Variants in GLI2 observed in about 807,000 individuals in gnomAD.
GLI2 encodes transcription activator GLI2.
GLI2 carries 22 observed loss-of-function variants against 78.9 expected under a neutral mutation model. The observed-to-expected ratio is 0.28, with a 90% CI of 0.20 to 0.40. GLI2 has a LOEUF of 0.40. Among genes scored for constraint, GLI2 ranks in the 10% least tolerant of loss-of-function variants. GLI2 has a pLI of 1.00. For synonymous variants in GLI2, 974 were observed against 963.7 expected, an observed-to-expected ratio of 1.01 and a Z score of -0.20; for missense variants, 2,097 against 2,213.2, an observed-to-expected ratio of 0.95 and a Z score of 1.05.
At position 120,780,508 on chromosome 2, in the gene GLI2, C is replaced by T. The variant is rs113810597; in HGVS notation, c.-30-16783C>T. The stretch of plus-strand genomic sequence containing the variant: ...GAACCTGTGGGAGTTTTTCCAGCAG[C>T]GTGGGGTGTGTCGTTTGCTCCCCTT... On this transcript the variant is annotated intron_variant, in intron 1 of 13. Transcript: ENST00000361492. Among the ~76,000 whole-genome samples, 2 of 152,286 alleles carry T rather than the reference C, an allele frequency of 1.3e-5. 1 individual carries two copies. The highest frequency in any genetic ancestry group is 4.8e-5 in the African/African-American group (2 of 41,572).
At chr2:120,841,888 T>TGTGTGTGTGTGTGTGTGTGTGAGA (rs768879101) in intron 2 of GLI2, among the ~76,000 whole-genome samples, 1 of 150,790 alleles carries the variant, frequency 6.6e-6, no homozygotes, top group Non-Finnish European at 1.5e-5. Context: ...TGTGTGTGTG[T>TGTGTGTGTGTGTGTGTGTGTGAGA]GATGCTGGGC....
chr2:120,829,991 G>T (rs1040381047), intron 2 of GLI2, among the ~76,000 whole-genome samples: 1 of 152,212 alleles, frequency 6.6e-6, no homozygotes. Context: ...ATATGTGCAC[G>T]TGTGTGTAAA....
intron 2 of GLI2, among the ~76,000 whole-genome samples, chr2:120,876,651 G>C (rs959593312): frequency 1.3e-5 from 2 of 152,030 alleles, no homozygotes; most frequent in African/African-American, 4.8e-5. Context: ...GGTTGGAGGA[G>C]GGACACAGGT....
chr2:120,758,983 G>A (rs568791283), intron 1 of GLI2, among the ~76,000 whole-genome samples: 7 of 152,280 alleles, frequency 4.6e-5, no homozygotes, highest in Admixed American at 1.3e-4. Flanking sequence ...GGCCCTTTCT[G>A]TGCCCAATCC....
intron 2 of GLI2, among the ~76,000 whole-genome samples, chr2:120,883,665 C>G (rs1158608723): frequency 6.6e-6 from 1 of 152,124 alleles, no homozygotes; most frequent in Admixed American, 6.5e-5. Flanking sequence ...ATGAGGAAAC[C>G]GAGGCTCAGA....
At chr2:120,945,948 A>T (rs1680685544) in intron 3 of GLI2, among the ~76,000 whole-genome samples, 1 of 29,686 alleles carries the variant, frequency 3.4e-5, no homozygotes, top group South Asian at 1.8e-3. Flanking sequence ...CCCCTCAGGC[A>T]TAACCTTCTC....
At chr2:120,927,567 T>G in intron 3 of GLI2, 101 bp downstream of exon 3, 1 of 822,022 alleles carries the variant, frequency 1.2e-6, no homozygotes, top group Admixed American at 1.7e-5. Context: ...TGTCTTTCTT[T>G]TGGGGGTTCC....
In GLI2 at chr2:120,866,943, C is replaced by T. The variant is rs537373155; in HGVS notation, c.149-60418C>T. 1.1e-4 allele frequency among the ~76,000 whole-genome samples: 17 copies of T among 152,292 alleles called. 1 individual carries two copies. The highest frequency in any genetic ancestry group is 5.9e-4 in the Admixed American group (9 of 15,292). ...AGGAGCCACCTTCACCTGCACTGCC[C>T]GCAGGGACTCCACTTCCAGGCTCTG... is the stretch of plus-strand genomic sequence containing the variant. On this transcript the variant is annotated intron_variant, in intron 2 of 13. Transcript: ENST00000361492.
At chr2:120,894,095 C>T (rs1453682131) in intron 2 of GLI2, among the ~76,000 whole-genome samples, 1 of 152,186 alleles carries the variant, frequency 6.6e-6, no homozygotes, top group Non-Finnish European at 1.5e-5. Context: ...GTCGGGTCCT[C>T]CTGGGGCTTT....
intron 2 of GLI2, among the ~76,000 whole-genome samples, chr2:120,890,676 T>C: frequency 6.6e-6 from 1 of 152,212 alleles, no homozygotes; most frequent in Admixed American, 6.5e-5. Flanking sequence ...GAATCTCAAA[T>C]TAGCGAAAAA....
intron 2 of GLI2, among the ~76,000 whole-genome samples, chr2:120,921,785 C>T (rs1279055487): frequency 1.3e-5 from 2 of 152,172 alleles, no homozygotes; most frequent in African/African-American, 4.8e-5. Flanking sequence ...AGAAAAAAAT[C>T]CCAAGGTTCT....
chr2:120,929,596 G>A (rs1236961204), intron 3 of GLI2, among the ~76,000 whole-genome samples: 1 of 152,138 alleles, frequency 6.6e-6, no homozygotes, highest in East Asian at 1.9e-4. Flanking sequence ...TGATTCTATG[G>A]GTTATACTCT....
chr2:120,922,505 A>G (rs761708699), intron 2 of GLI2, among the ~76,000 whole-genome samples: 1 of 152,182 alleles, frequency 6.6e-6, no homozygotes, highest in Non-Finnish European at 1.5e-5. Flanking sequence ...TTACCACCCA[A>G]TGGATCATTG....
chr2:120,946,837 G>A (rs747915734), intron 3 of GLI2, among the ~76,000 whole-genome samples: 17 of 152,240 alleles, frequency 1.1e-4, no homozygotes, highest in African/African-American at 1.7e-4. Context: ...CAATGCTGGC[G>A]TGTTTCAGGG....
intron 2 of GLI2, among the ~76,000 whole-genome samples, chr2:120,858,363 C>A (rs1014323770): frequency 1.7e-4 from 26 of 152,210 alleles, no homozygotes; most frequent in African/African-American, 6.0e-4. Context: ...TCTCCCCATG[C>A]CCCCGCCATG....
intron 2 of GLI2, among the ~76,000 whole-genome samples, chr2:120,865,588 C>T (rs1573502800): frequency 6.6e-6 from 1 of 152,170 alleles, no homozygotes; most frequent in Non-Finnish European, 1.5e-5. Context: ...TTTGCTGACC[C>T]GGGAGCGTTG....
Position 120,984,615 on chromosome 2 carries a change from C to G in GLI2, c.1777C>G (p.Leu593Val). Residue 593 changes from leucine (L) to valine (V), a missense_variant, in exon 12 of 14, where the codon CTC becomes GTC. Physicochemically the swap from Leu to Val is conservative, Grantham distance 32 (BLOSUM62 1). This residue lies in a region of GLI2 where 57 missense variants were observed against 44.5 expected (regional missense o/e 1.28). Transcript: ENST00000361492. ...TGACGTGCACCTCCGCACACCGCTG[C>G]TCAAAGAGAATGGGGACAGTGAGGC... is the stretch of plus-strand genomic sequence containing the variant. Reference protein sequence around the residue: ...RNDVHLRTPLLKENGDSEAGT... With the variant: ...RNDVHLRTPLVKENGDSEAGT... The G allele has an allele frequency of 6.2e-7, 1 of 1,614,232 alleles. No homozygotes were observed. The highest frequency in any genetic ancestry group is 8.5e-7 in the Non-Finnish European group (1 of 1,180,038).
At chr2:120,771,448 G>A (rs1032542762) in intron 1 of GLI2, among the ~76,000 whole-genome samples, 5 of 152,214 alleles carry the variant, frequency 3.3e-5, no homozygotes, top group African/African-American at 1.2e-4. Flanking sequence ...TTTTCCAAGC[G>A]TCCTTCCTTT....
intron 2 of GLI2, among the ~76,000 whole-genome samples, chr2:120,908,795 G>A (rs1678669308): frequency 6.6e-6 from 1 of 152,218 alleles, no homozygotes; most frequent in African/African-American, 2.4e-5. Context: ...ATTCAGGGTG[G>A]GTGGTTTGGT....
Sources: gnomAD v4.1 joint callset for allele counts (sites outside exome capture counted in the v4.1 genomes callset) on GRCh38, gnomAD v4.1.1 for gene constraint, gnomAD v4.1.1 regional missense constraint, MANE v1.5 for transcripts, NCBI Gene and HGNC (gene_info 2026-07-23, HGNC 2026-07-21) for gene names.